The following COL5A1 variants were observed in gnomAD, a reference collection of about 807,000 sequenced individuals.
COL5A1 encodes collagen type V alpha 1 chain.
A neutral mutation model predicts 263.7 loss-of-function variants in COL5A1; 16 were observed. The observed-to-expected ratio is 0.06, with a 90% confidence interval of 0.04 to 0.09. The LOEUF (loss-of-function observed/expected upper bound fraction) is 0.09, where lower values mean the gene tolerates loss of function less well. Among genes scored for constraint, COL5A1 ranks in the 10% least tolerant of loss-of-function variants. COL5A1 has a pLI of 1.00. For synonymous variants in COL5A1, 1,012 were observed against 1,004.5 expected, an observed-to-expected ratio of 1.01 and a Z score of -0.14; for missense variants, 2,036 against 2,540.5, an observed-to-expected ratio of 0.80 and a Z score of 4.27.
At chr9:134,654,525 G>A (rs1314472551) in intron 1 of COL5A1, among the ~76,000 whole-genome samples, 1 of 132,086 alleles carries the variant, frequency 7.6e-6, no homozygotes, top group Non-Finnish European at 1.6e-5. Context: ...AGGTGTGCAG[G>A]GCTGGGTGTG....
At chr9:134,651,078 T>A (rs12352462) in intron 1 of COL5A1, among the ~76,000 whole-genome samples, 19,261 of 152,222 alleles carry the variant, frequency 0.13, 1,280 homozygotes, top group Middle Eastern at 0.2. Context: ...GGCGCCAGCC[T>A]CCATGGCAGC....
intron 32 of COL5A1, among the ~76,000 whole-genome samples, chr9:134,790,742 C>G (rs1047292280): frequency 4.6e-5 from 7 of 151,320 alleles, no homozygotes. Context: ...TCTGGAGAAG[C>G]CCTGAGTAGT....
rs2132702265 is a variant in COL5A1, at chr9:134,759,389, A to C, written c.1935+1093A>C. Among the ~76,000 whole-genome samples, 2 of 143,764 alleles carry C rather than the reference A, an allele frequency of 1.4e-5. 1 individual carries two copies. Among genetic ancestry groups the C allele is most frequent in the Middle Eastern group, 7.7e-3 (2 of 260 alleles). 94.3% of individuals were successfully genotyped at this position (143,764 alleles called of 152,430 possible). On this transcript the variant is annotated intron_variant, in intron 18 of 65. Coordinates refer to ENST00000371817, the MANE Select transcript of COL5A1 (RefSeq NM_000093.5). The stretch of plus-strand genomic sequence containing the variant: ...AGATGCACACACACCACACATGCAC[A>C]CATACGCATACACACCCACACACAC...
intron 4 of COL5A1, among the ~76,000 whole-genome samples, chr9:134,717,927 G>A (rs1484036678): frequency 6.6e-6 from 1 of 152,138 alleles, no homozygotes; most frequent in African/African-American, 2.4e-5. Context: ...GGGGTTGAAA[G>A]GAGGAGTGCA....
At position 134,811,403 on chromosome 9, in the gene COL5A1, A is replaced by G. The variant is rs1224512064; in HGVS notation, c.3582+11A>G. ...CAGCCAGGCCCCTCTGTGAGTATCCATGGTCAATGACCTTCGAAAAGCCCC... is the reference window on the plus strand; with the variant it reads ...CAGCCAGGCCCCTCTGTGAGTATCCGTGGTCAATGACCTTCGAAAAGCCCC... On this transcript the variant is annotated intron_variant, in intron 45 of 65. Transcript: ENST00000371817. 1.2e-6 allele frequency: 2 copies of G among 1,612,946 alleles called. No homozygotes were observed. Among genetic ancestry groups the G allele is most frequent in the African/African-American group, 2.7e-5 (2 of 74,526 alleles).
chr9:134,685,234 T>TCATCCTC, intron 1 of COL5A1, among the ~76,000 whole-genome samples: 1 of 119,820 alleles, frequency 8.3e-6, no homozygotes, highest in Middle Eastern at 7.6e-3. Context: ...CACCCATCCA[T>TCATCCTC]CCATTCATCC....
chr9:134,792,853 A>G (rs1419192957), intron 32 of COL5A1, among the ~76,000 whole-genome samples: 2 of 43,452 alleles, frequency 4.6e-5, no homozygotes, highest in South Asian at 1.3e-3. Context: ...GTGTGTGCGC[A>G]CACGTGTGTG....
intron 65 of COL5A1, among the ~76,000 whole-genome samples, chr9:134,837,144 A>G (rs1243906708): frequency 6.6e-6 from 1 of 152,174 alleles, no homozygotes; most frequent in Non-Finnish European, 1.5e-5. Flanking sequence ...TTTAGATAAC[A>G]TGGACCACAA....
chr9:134,717,885 G>C (rs565921945), intron 4 of COL5A1, among the ~76,000 whole-genome samples: 20 of 152,240 alleles, frequency 1.3e-4, no homozygotes, highest in East Asian at 5.8e-4. Context: ...AGGCAGTCAT[G>C]GGGGGGCTGG....
chr9:134,650,190 A>G (rs1257083586), intron 1 of COL5A1, among the ~76,000 whole-genome samples: 1 of 152,186 alleles, frequency 6.6e-6, no homozygotes, highest in Non-Finnish European at 1.5e-5. Flanking sequence ...ATAATAAAAA[A>G]AATTTTTTTA....
At chr9:134,685,482 ATCCGTCCATCCAT>A (rs1833023717) in intron 1 of COL5A1, among the ~76,000 whole-genome samples, 3 of 58,744 alleles carry the variant, frequency 5.1e-5, no homozygotes, top group East Asian at 5.1e-4. Flanking sequence ...CCATCCATCC[ATCCGTCCATCCAT>A]CCATCCATCC....
At chr9:134,732,242 C>A in intron 9 of COL5A1, 115 bp downstream of exon 9, 3 of 1,056,348 alleles carry the variant, frequency 2.8e-6, no homozygotes, top group Non-Finnish European at 4.4e-6. Flanking sequence ...CGCACTGGGT[C>A]ACTTCGAGCA....
rs1454347278 is a variant in COL5A1 at position 134,652,213 on chromosome 9, C to T, written c.109+9917C>T. Among the ~76,000 whole-genome samples, 3 of 152,108 alleles carry T rather than the reference C, an allele frequency of 2.0e-5. No individual in the cohort carries two copies. Among genetic ancestry groups the T allele is most frequent in the African/African-American group, 7.2e-5 (3 of 41,404 alleles). ...TAGGGTCATAGGTCTCAGTAATGGT[C>T]GACTAGGTCAAAAAGTACTGCTTGA... is the stretch of plus-strand genomic sequence containing the variant. On this transcript the variant is annotated intron_variant, in intron 1 of 65. Coordinates refer to ENST00000371817, the MANE Select transcript of COL5A1 (RefSeq NM_000093.5). This position sits in a 1 kb window ranked among gnomAD's most constrained non-coding sequence, Gnocchi z 4.4.
chr9:134,812,661 C>T lies in COL5A1; in HGVS notation c.3801C>T (p.Gly1267=). 1 of 1,595,296 alleles carries T rather than the reference C, an allele frequency of 6.3e-7. No homozygotes were observed. The highest frequency in any genetic ancestry group is 8.5e-7 in the Non-Finnish European group (1 of 1,171,284). The change falls in exon 48 of 66, where the codon GGC becomes GGT. Residue 1267 remains glycine, a synonymous_variant. Transcript: ENST00000371817. ...CCTCCGGAGCTCCAGGTGCTGATGG[C>T]CCACAAGGTCCCCCAGGTGGAATAG... The part of the protein sequence containing the change: ...RGPSGAPGAD[G]PQGPPGGIGN...
chr9:134,747,985 GCATT>G (rs1835618177), intron 11 of COL5A1, among the ~76,000 whole-genome samples: 1 of 124,732 alleles, frequency 8.0e-6, no homozygotes, highest in Non-Finnish European at 1.7e-5. Context: ...ACACACACAT[GCATT>G]CACACACACA....
intron 4 of COL5A1, among the ~76,000 whole-genome samples, chr9:134,726,674 G>T (rs1834665834): frequency 6.6e-6 from 1 of 151,650 alleles, no homozygotes; most frequent in South Asian, 2.1e-4. Flanking sequence ...GAGAATGGAT[G>T]GATGGGTGAA....
rs1389483050 is a variant in COL5A1, at chr9:134,765,341, T to C, written c.2035-340T>C. On this transcript the variant is annotated intron_variant, in intron 20 of 65. Coordinates refer to ENST00000371817, the MANE Select transcript of COL5A1 (RefSeq NM_000093.5). The surrounding 1 kb of genome is among the most constrained non-coding windows in gnomAD (Gnocchi z 5.1). ...CTCCGTGCAGTGGAATGTTATAGCG[T>C]GGTGATTCTCTGGGGGAGCGTCTGC... is the stretch of plus-strand genomic sequence containing the variant. 6.6e-6 allele frequency among the ~76,000 whole-genome samples: 1 copy of C among 151,678 alleles called. No homozygotes were observed. Among genetic ancestry groups the C allele is most frequent in the Non-Finnish European group, 1.5e-5 (1 of 67,752 alleles).
At chr9:134,749,244 CA>C (rs559744305) in intron 11 of COL5A1, among the ~76,000 whole-genome samples, 1 of 151,750 alleles carries the variant, frequency 6.6e-6, no homozygotes, top group African/African-American at 2.4e-5. Context: ...CAAAACAAAA[CA>C]AAAAAAACAA....
At chr9:134,699,256 A>C (rs1833585129) in intron 2 of COL5A1, among the ~76,000 whole-genome samples, 2 of 152,224 alleles carry the variant, frequency 1.3e-5, no homozygotes, top group Non-Finnish European at 2.9e-5. Flanking sequence ...TGCTCCTGGC[A>C]TGTGTTGTAA....
Sources: allele counts gnomAD v4.1 joint callset (sites outside exome capture counted in the v4.1 genomes callset), GRCh38; gene constraint gnomAD v4.1.1; non-coding constraint Gnocchi (gnomAD v3.1); transcripts MANE v1.5; gene names NCBI Gene and HGNC (gene_info 2026-07-23, HGNC 2026-07-21).